Variants in SLF1 observed in about 807,000 individuals in gnomAD.
SLF1 encodes SMC5/6 complex localization factor 1.
In SLF1, 105 loss-of-function variants were observed where a neutral mutation model predicts 123.0. The observed-to-expected ratio is 0.85, with a 90% CI of 0.73 to 1.00. The LOEUF (loss-of-function observed/expected upper bound fraction) is 1.00. SLF1 is among the 50% of genes least tolerant of loss of function. SLF1 has a pLI of 0.00. For missense variants in SLF1, 1,239 were observed against 1,223.0 expected (o/e 1.01, Z -0.20); for synonymous variants, 434 against 406.6 (o/e 1.07, Z -0.81).
At chr5:94,627,790 A>T (rs993016901) in intron 1 of SLF1, among the ~76,000 whole-genome samples, 1 of 150,988 alleles carries the variant, frequency 6.6e-6, no homozygotes, top group African/African-American at 2.4e-5. Flanking sequence ...ATCTGATTGT[A>T]TCATTGTCTG....
At chr5:94,688,396 T>A (rs2152498029) in intron 16 of SLF1, 110 bp from the exon 17 acceptor site, 1 of 1,127,112 alleles carries the variant, frequency 8.9e-7, no homozygotes, top group Middle Eastern at 2.4e-4. Context: ...GCAACCATAG[T>A]GATGCAACCA....
chr5:94,667,749 GTTTGT>G lies in SLF1; in HGVS notation c.1532+1744_1532+1748del, dbSNP rs375679088. ...AATTTCCTAGCTTTTTTGTTTGTTTGTTTGTTTTGTTTTGTTTTGTTTTTTAAGAC... is the reference window on the plus strand; with the variant it reads ...AATTTCCTAGCTTTTTTGTTTGTTTGTTTGTTTTGTTTTGTTTTTTAAGAC... On this transcript the variant is annotated intron_variant, in intron 12 of 20. Coordinates refer to ENST00000265140, the MANE Select transcript of SLF1 (RefSeq NM_032290.4). Among the ~76,000 whole-genome samples the G allele has an allele frequency of 4.1e-4, 62 of 151,980 alleles. 1 individual carries two copies. Among genetic ancestry groups the G allele is most frequent in the African/African-American group, 1.3e-3 (55 of 41,466 alleles).
At chr5:94,652,256 A>C (rs1459499572) in intron 7 of SLF1, among the ~76,000 whole-genome samples, 1 of 151,774 alleles carries the variant, frequency 6.6e-6, no homozygotes, top group African/African-American at 2.4e-5. Context: ...TAATCTGCCC[A>C]CCTCCGCCTC....
At chr5:94,666,055 T>G (rs1210725374) in intron 12 of SLF1, 31 bp downstream of exon 12, 2 of 1,505,726 alleles carry the variant, frequency 1.3e-6, no homozygotes, top group East Asian at 4.9e-5. Flanking sequence ...CGATGCTACA[T>G]TTCATTGAGT....
intron 4 of SLF1, among the ~76,000 whole-genome samples, chr5:94,636,912 G>A (rs972156518): frequency 2.0e-5 from 3 of 151,780 alleles, no homozygotes; most frequent in Admixed American, 6.6e-5. Flanking sequence ...TGAAGATGGA[G>A]TTTTGCCATG....
chr5:94,694,216 ACTTT>A (rs1753341258), intron 20 of SLF1, among the ~76,000 whole-genome samples: 1 of 151,904 alleles, frequency 6.6e-6, no homozygotes, highest in South Asian at 2.1e-4. Context: ...TATCTTTAGT[ACTTT>A]CTAAGTAGGT....
chr5:94,680,833 CAT>C (rs1308826518), intron 15 of SLF1, among the ~76,000 whole-genome samples: 7 of 152,234 alleles, frequency 4.6e-5, no homozygotes, highest in East Asian at 1.9e-4. Flanking sequence ...TTTCACATGA[CAT>C]GTGTAAAACC....
chr5:94,635,337 C>CTTTTTTTTTTT (rs34524874), intron 4 of SLF1, among the ~76,000 whole-genome samples: 8 of 43,876 alleles, frequency 1.8e-4, no homozygotes, highest in East Asian at 8.3e-4. Context: ...ACATACTCGG[C>CTTTTTTTTTTT]TTTTTTTTTT....
intron 1 of SLF1, among the ~76,000 whole-genome samples, chr5:94,619,022 G>T (rs1228892495): frequency 6.6e-6 from 1 of 152,104 alleles, no homozygotes; most frequent in Non-Finnish European, 1.5e-5. Context: ...CCGCTGCGGG[G>T]ACTGCCACCG....
chr5:94,628,852 A>G lies in SLF1; in HGVS notation c.42A>G (p.Gly14=). ...GTPKHIIQMT[G]FKMEEKEALV... is the part of the protein sequence containing the mutation. ...CAAAGCATATCATCCAGATGACAGG[A>G]TTTAAGATGGAAGAAAAAGAAGCGC... The change falls in exon 2 of 21, where the codon GGA becomes GGG. Residue 14 remains glycine (G), a synonymous_variant. Transcript: ENST00000265140. The G allele has an allele frequency of 6.4e-7, 1 of 1,550,492 alleles. No individual in the cohort carries two copies.
At chr5:94,665,638 A>G (rs569497045) in intron 11 of SLF1, among the ~76,000 whole-genome samples, 2 of 152,178 alleles carry the variant, frequency 1.3e-5, no homozygotes, top group African/African-American at 2.4e-5. Flanking sequence ...AGTCCCAGCT[A>G]CTTACTCAGG....
rs1561485852 is a variant in SLF1, at chr5:94,697,001, G to T, written c.*1689G>T. On this transcript the variant is annotated 3_prime_UTR_variant, in exon 21 of 21. Transcript: ENST00000265140. Reference sequence around the variant, plus strand: ...TGGTAGTAATTCTAAGGTAATTAAGGAATCAACATCATGAGTTAGGGTTTT... The same window carrying T: ...TGGTAGTAATTCTAAGGTAATTAAGTAATCAACATCATGAGTTAGGGTTTT... 6.6e-6 allele frequency: 1 copy of T among 151,780 alleles called. No individual in the cohort carries two copies. Among genetic ancestry groups the T allele is most frequent in the Non-Finnish European group, 1.5e-5 (1 of 67,876 alleles). The allele number at this position is 151,780 out of a possible 1,614,324, so 9.4% of individuals were successfully genotyped here.
intron 4 of SLF1, among the ~76,000 whole-genome samples, chr5:94,641,348 C>T (rs1371679700): frequency 6.6e-6 from 1 of 152,144 alleles, no homozygotes; most frequent in African/African-American, 2.4e-5. Flanking sequence ...TGCTTATCTT[C>T]ATGGGATGAT....
At chr5:94,650,823 T>C (rs1747624104) in intron 6 of SLF1, among the ~76,000 whole-genome samples, 1 of 152,210 alleles carries the variant, frequency 6.6e-6, no homozygotes, top group African/African-American at 2.4e-5. Flanking sequence ...ATGTGCCTCT[T>C]GTGAAATATA....
At chr5:94,691,397 C>A (rs1250105866) in intron 18 of SLF1, 167 bp from the exon 19 acceptor site, 6 of 214,714 alleles carry the variant, frequency 2.8e-5, no homozygotes, top group African/African-American at 7.5e-5. Context: ...CTTCCCACCC[C>A]CCACCCCCGC....
chr5:94,695,088 C>T lies in SLF1; in HGVS notation c.2953C>T (p.His985Tyr), dbSNP rs1333601855. The change falls in exon 21 of 21, where the codon CAT becomes TAT. Residue 985 changes from histidine (H) to tyrosine (Y), a missense_variant. His to Tyr is a moderately conservative substitution (Grantham distance 83). Transcript: ENST00000265140. The stretch of plus-strand genomic sequence containing the variant: ...CATTTTAGCTTCCAAAGGGTTAACT[C>T]ATCTAAATGAACTGCTTATGGCTTG... ...EFILASKGLT[H>Y]LNELLMACKS... 2 of 1,612,544 alleles carry T rather than the reference C, an allele frequency of 1.2e-6. No individual in the cohort carries two copies. The highest frequency in any genetic ancestry group is 1.7e-5 in the Admixed American group (1 of 59,768).
intron 5 of SLF1, among the ~76,000 whole-genome samples, chr5:94,646,769 A>G (rs1452875526): frequency 6.6e-6 from 1 of 152,220 alleles, no homozygotes; most frequent in Non-Finnish European, 1.5e-5. Context: ...CACTGTGACC[A>G]TAGGAAAGTC....
chr5:94,624,962 G>A (rs1445341948), intron 1 of SLF1, among the ~76,000 whole-genome samples: 5 of 151,356 alleles, frequency 3.3e-5, no homozygotes, highest in Non-Finnish European at 5.9e-5. Flanking sequence ...CGAGGCAGGC[G>A]GATCACAAGG....
intron 15 of SLF1, among the ~76,000 whole-genome samples, chr5:94,686,069 T>C (rs1752397171): frequency 6.6e-6 from 1 of 152,210 alleles, no homozygotes; most frequent in South Asian, 2.1e-4. Context: ...ACCTTGTGCC[T>C]TTCCTCCTTT....
Sources: gnomAD v4.1 joint callset for allele counts (sites outside exome capture counted in the v4.1 genomes callset) on GRCh38, gnomAD v4.1.1 for gene constraint, MANE v1.5 for transcripts, NCBI Gene and HGNC (gene_info 2026-07-23, HGNC 2026-07-21) for gene names.